ACKR2: variants seen among roughly 807,000 people sequenced by gnomAD.
ACKR2 encodes atypical chemokine receptor 2, also known as C-C chemokine receptor D6.
For synonymous variants in ACKR2, 207 were observed against 192.2 expected, an observed-to-expected ratio of 1.08 and a Z score of -0.64; for missense variants, 457 against 477.3, an observed-to-expected ratio of 0.96 and a Z score of 0.40.
At chr3:42,825,379 T>G (rs951314599) in intron 2 of ACKR2, among the ~76,000 whole-genome samples, 2 of 152,176 alleles carry the variant, frequency 1.3e-5, no homozygotes, top group African/African-American at 4.8e-5. Flanking sequence ...CTTTAATTTC[T>G]TTCCATGATG....
At chr3:42,826,486 T>G (rs1250518481) in intron 2 of ACKR2, among the ~76,000 whole-genome samples, 3 of 152,116 alleles carry the variant, frequency 2.0e-5, no homozygotes, top group African/African-American at 7.2e-5. Context: ...TTTGGTAGTT[T>G]ATGTCTTTCT....
chr3:42,813,994 T>C (rs535373991), intron 1 of ACKR2, among the ~76,000 whole-genome samples: 39 of 152,328 alleles, frequency 2.6e-4, no homozygotes, highest in African/African-American at 8.9e-4. Flanking sequence ...AGACAACATC[T>C]GTTTATGCCT....
chr3:42,819,982 T>C (rs1371754622), intron 2 of ACKR2, among the ~76,000 whole-genome samples: 2 of 152,370 alleles, frequency 1.3e-5, no homozygotes, highest in South Asian at 2.1e-4. Flanking sequence ...TGGGAGGCAC[T>C]GCCACACTCA....
At chr3:42,857,587 T>C (rs1381716896) in intron 2 of ACKR2, among the ~76,000 whole-genome samples, 1 of 152,080 alleles carries the variant, frequency 6.6e-6, no homozygotes, top group Non-Finnish European at 1.5e-5. Context: ...ATAAGGAAAC[T>C]AAGAGGGAGA....
chr3:42,813,510 G>A (rs2125601357), intron 1 of ACKR2, among the ~76,000 whole-genome samples: 1 of 152,288 alleles, frequency 6.6e-6, no homozygotes, highest in Admixed American at 6.5e-5. Flanking sequence ...GGTGGGATCA[G>A]GAGAAAGCAA....
In ACKR2 at chr3:42,866,829, G is replaced by T. The variant is rs1013467426; in HGVS notation, c.*1172G>T. ...TAGAAGAGGTTAGTTTTATAGACAGGAAGGGGCTGTCAAAGGCAGAAAGAA... is the reference window on the plus strand; with the variant it reads ...TAGAAGAGGTTAGTTTTATAGACAGTAAGGGGCTGTCAAAGGCAGAAAGAA... On this transcript the variant is annotated 3_prime_UTR_variant, in exon 3 of 3. Transcript: ENST00000422265. 6.0e-6 allele frequency: 1 copy of T among 166,866 alleles called. No homozygotes were observed. The highest frequency in any genetic ancestry group is 1.9e-4 in the East Asian group (1 of 5,196). 10.3% of individuals were successfully genotyped at this position (166,866 alleles called of 1,614,324 possible).
At chr3:42,834,520 T>C (rs1170340565) in intron 2 of ACKR2, 2 of 151,956 alleles carry the variant, frequency 1.3e-5, no homozygotes, top group Non-Finnish European at 2.9e-5. Context: ...GACTATAGAC[T>C]CGAGCCACTA....
chr3:42,865,059 A>C lies in ACKR2; in HGVS notation c.557A>C (p.His186Pro), dbSNP rs2125626724. 2 of 1,614,090 alleles carry C rather than the reference A, an allele frequency of 1.2e-6. No individual in the cohort carries two copies. The highest frequency in any genetic ancestry group is 2.2e-5 in the East Asian group (1 of 44,876). ...SIPDMVFVQTHENPKGVWNCH... is the reference protein window; with the variant it reads ...SIPDMVFVQTPENPKGVWNCH... ...CCTGATATGGTCTTTGTACAGACAC[A>C]TGAAAATCCCAAGGGTGTGTGGAAC... Residue 186 changes from histidine to proline, a missense_variant, in exon 3 of 3, where the codon CAT (histidine) becomes CCT (proline). Transcript: ENST00000422265.
chr3:42,845,903 A>G lies in ACKR2; in HGVS notation c.-37-18563A>G, dbSNP rs565849070. Among the ~76,000 whole-genome samples, 8 of 152,108 alleles carry G rather than the reference A, an allele frequency of 5.3e-5. No homozygotes were observed. In the South Asian group the frequency reaches 1.2e-3, roughly 24 times the overall value. ...AAAGAAAACAAAAGAAAAGAGAAAA[A>G]CAACATCATAAAACTACAAAATGTA... is the stretch of plus-strand genomic sequence containing the variant. On this transcript the variant is annotated intron_variant, in intron 2 of 2. Coordinates refer to ENST00000422265, the MANE Select transcript of ACKR2 (RefSeq NM_001296.5).
intron 2 of ACKR2, among the ~76,000 whole-genome samples, chr3:42,851,725 C>T (rs1456790441): frequency 6.6e-6 from 1 of 152,186 alleles, no homozygotes. Context: ...AGTTGGTTCT[C>T]CAACCTGGCT....
chr3:42,812,140 C>A (rs1321271101), intron 1 of ACKR2, among the ~76,000 whole-genome samples: 1 of 152,194 alleles, frequency 6.6e-6, no homozygotes. Flanking sequence ...GTCTCTCGTT[C>A]CACCTGACGA....
chr3:42,842,060 A>G (rs1465489214), intron 2 of ACKR2, among the ~76,000 whole-genome samples: 1 of 152,152 alleles, frequency 6.6e-6, no homozygotes, highest in African/African-American at 2.4e-5. Flanking sequence ...GTTGGTGTGA[A>G]GATTAGATGA....
intron 1 of ACKR2, 22 bp from the exon 2 acceptor site, chr3:42,819,609 T>C (rs1285245973): frequency 1.3e-5 from 2 of 152,400 alleles, no homozygotes; most frequent in Non-Finnish European, 2.9e-5. Context: ...CTCTATTGTG[T>C]CCTTCTTTGT....
chr3:42,858,876 C>T (rs887541791), intron 2 of ACKR2, among the ~76,000 whole-genome samples: 1 of 151,638 alleles, frequency 6.6e-6, no homozygotes, highest in Non-Finnish European at 1.5e-5. Flanking sequence ...CTTTGTGAAG[C>T]ATACACAAGG....
chr3:42,850,941 T>C (rs968774097), intron 2 of ACKR2: 14 of 152,304 alleles, frequency 9.2e-5, no homozygotes, highest in African/African-American at 2.7e-4. Context: ...GTGGGAGTTA[T>C]GGCCAGAAAA....
chr3:42,856,002 C>T, intron 2 of ACKR2: 1 of 203,364 alleles, frequency 4.9e-6, no homozygotes, highest in Non-Finnish European at 9.8e-6. Context: ...GAGTAATAAG[C>T]CCTGATAAGA....
intron 1 of ACKR2, among the ~76,000 whole-genome samples, chr3:42,810,742 A>T (rs532687750): frequency 9.8e-5 from 15 of 152,370 alleles, no homozygotes; most frequent in African/African-American, 3.6e-4. Context: ...GTGCGCTCTC[A>T]TGGCAACTGG....
At chr3:42,833,891 G>A (rs1051490938) in intron 2 of ACKR2, among the ~76,000 whole-genome samples, 3 of 152,018 alleles carry the variant, frequency 2.0e-5, no homozygotes, top group African/African-American at 7.2e-5. Flanking sequence ...TTTTTCAACA[G>A]GATGTGTTCA....
chr3:42,832,719 A>G (rs768800703), intron 2 of ACKR2, among the ~76,000 whole-genome samples: 3 of 151,992 alleles, frequency 2.0e-5, no homozygotes, highest in Non-Finnish European at 2.9e-5. Flanking sequence ...TTTTTGAGAC[A>G]GAGTCTCACT....
Sources: gnomAD v4.1 joint callset for allele counts (sites outside exome capture counted in the v4.1 genomes callset) on GRCh38, gnomAD v4.1.1 for gene constraint, MANE v1.5 for transcripts, NCBI Gene and HGNC (gene_info 2026-07-23, HGNC 2026-07-21) for gene names.